The following PDE8B variants were observed in gnomAD, a reference collection of about 807,000 sequenced individuals.
PDE8B encodes high affinity cAMP-specific and IBMX-insensitive 3',5'-cyclic phosphodiesterase 8B.
In PDE8B, 26 loss-of-function variants were observed where a neutral mutation model predicts 101.3. The observed-to-expected ratio is 0.26, with a 90% CI of 0.19 to 0.36. The LOEUF (loss-of-function observed/expected upper bound fraction) is 0.36, where lower values mean the gene tolerates loss of function less well. Ranked by LOEUF, PDE8B falls within the 10% of genes least tolerant of loss-of-function variation. The probability of loss-of-function intolerance (pLI) is 1.00; values close to 1 mark genes in which losing one functional copy is unlikely to be tolerated. For synonymous variants in PDE8B, 424 were observed against 429.3 expected, an observed-to-expected ratio of 0.99 and a Z score of 0.15; for missense variants, 810 against 1,163.1, an observed-to-expected ratio of 0.70 and a Z score of 4.42.
At chr5:77,348,585 A>C (rs991196129) in intron 7 of PDE8B, among the ~76,000 whole-genome samples, 3 of 152,196 alleles carry the variant, frequency 2.0e-5, no homozygotes, top group Non-Finnish European at 4.4e-5. Flanking sequence ...GCAAACATTG[A>C]TCAATAGATA....
At chr5:77,285,697 A>C (rs575577030) in intron 1 of PDE8B, among the ~76,000 whole-genome samples, 5 of 151,612 alleles carry the variant, frequency 3.3e-5, no homozygotes, top group African/African-American at 1.2e-4. Context: ...ATCTCCTCTC[A>C]CTTTTCTCCA....
At chr5:77,380,214 A>G (rs981910554) in intron 10 of PDE8B, among the ~76,000 whole-genome samples, 6 of 152,234 alleles carry the variant, frequency 3.9e-5, no homozygotes, top group Non-Finnish European at 7.3e-5. Context: ...GCATTCTTCT[A>G]TATAAAATCA....
At chr5:77,135,451 C>G in the PDE8B span, among the ~76,000 whole-genome samples, 4 of 151,172 alleles carry the variant, frequency 2.6e-5, no homozygotes, top group Non-Finnish European at 5.9e-5. Flanking sequence ...AGTTGAGGGA[C>G]TCAAGACTTT....
intron 1 of PDE8B, among the ~76,000 whole-genome samples, chr5:77,289,051 A>G (rs946228408): frequency 1.3e-5 from 2 of 152,158 alleles, no homozygotes; most frequent in Admixed American, 6.5e-5. Flanking sequence ...CTGAATTTTT[A>G]CATTGCCACT....
chr5:77,223,615 G>A (rs1431174850), intron 1 of PDE8B, among the ~76,000 whole-genome samples: 1 of 151,930 alleles, frequency 6.6e-6, no homozygotes, highest in African/African-American at 2.4e-5. Flanking sequence ...CACAGTAGTG[G>A]TGTTGGTTTT....
intron 1 of PDE8B, among the ~76,000 whole-genome samples, chr5:77,294,012 C>T (rs1767963220): frequency 6.6e-6 from 1 of 151,968 alleles, no homozygotes. Flanking sequence ...TTTATTCTTC[C>T]CACAGCTTAT....
At chr5:77,130,475 T>C in the PDE8B span, among the ~76,000 whole-genome samples, 3 of 152,152 alleles carry the variant, frequency 2.0e-5, no homozygotes, top group African/African-American at 7.2e-5. Context: ...TCTAGAACAC[T>C]TATTTTCTTC....
At chr5:77,352,409 A>G (rs1449930333) in intron 9 of PDE8B, among the ~76,000 whole-genome samples, 4 of 152,282 alleles carry the variant, frequency 2.6e-5, no homozygotes, top group Admixed American at 6.5e-5. Context: ...GGTAATTTCC[A>G]ACAGAATACA....
chr5:77,381,692 TCTC>T (rs1460629220), intron 10 of PDE8B, among the ~76,000 whole-genome samples: 1 of 152,176 alleles, frequency 6.6e-6, no homozygotes, highest in Non-Finnish European at 1.5e-5. Context: ...TTTAGGGTTT[TCTC>T]CTACAAGAGA....
At chr5:77,148,965 A>T in the PDE8B span, among the ~76,000 whole-genome samples, 2 of 152,298 alleles carry the variant, frequency 1.3e-5, no homozygotes, top group African/African-American at 4.8e-5. Context: ...AAAGTTACCA[A>T]GGTATTTTCT....
chr5:77,303,401 G>T (rs899156501), intron 1 of PDE8B, among the ~76,000 whole-genome samples: 55 of 151,950 alleles, frequency 3.6e-4, no homozygotes, highest in African/African-American at 1.3e-3. Context: ...TTAGCAGGGC[G>T]TAGAGAATTT....
chr5:77,160,648 T>C, the PDE8B span, among the ~76,000 whole-genome samples: 1 of 152,192 alleles, frequency 6.6e-6, no homozygotes, highest in African/African-American at 2.4e-5. Context: ...TTTTTCTTTT[T>C]GATTTAGTTT....
At chr5:77,161,086 A>T in the PDE8B span, among the ~76,000 whole-genome samples, 1 of 152,226 alleles carries the variant, frequency 6.6e-6, no homozygotes, top group South Asian at 2.1e-4. Flanking sequence ...TAATTTATAT[A>T]ATTTACATAC....
intron 6 of PDE8B, among the ~76,000 whole-genome samples, chr5:77,342,529 G>GA (rs917869400): frequency 6.6e-6 from 1 of 150,796 alleles, no homozygotes; most frequent in Non-Finnish European, 1.5e-5. Flanking sequence ...TTTTTTTAAA[G>GA]AAAAAACATC....
chr5:77,411,590 C>G (rs951132613), intron 14 of PDE8B, 86 bp from the exon 15 acceptor site: 6 of 1,133,052 alleles, frequency 5.3e-6, no homozygotes, highest in Non-Finnish European at 7.9e-6. Flanking sequence ...ATTCAGGATT[C>G]AAATCTCTTT....
In PDE8B at chr5:77,266,401, G is replaced by A. The variant is rs1199652944; in HGVS notation, c.340-45593G>A. Among the ~76,000 whole-genome samples the A allele has an allele frequency of 5.3e-5, 8 of 152,220 alleles. No individual in the cohort carries two copies. In the South Asian group the frequency reaches 1.0e-3, roughly 20 times the overall value. On this transcript the variant is annotated intron_variant, in intron 1 of 21. Transcript: ENST00000264917. The stretch of plus-strand genomic sequence containing the variant: ...TTGTGCTCTTCATTGGTGATTTCAT[G>A]GCTTAAAATGGCCCCCCAGCCATAG...
rs1055158805 is a variant in PDE8B at position 77,426,032 on chromosome 5, T to A, written c.2548+136T>A. On this transcript the variant is annotated intron_variant, in intron 21 of 21. Transcript: ENST00000264917. ...TGGCTGTCAGCTTTTTGTGGCCAAG[T>A]GGGGTGGGGTGCATTCTTTGCATCC... The A allele has an allele frequency of 1.3e-5, 10 of 798,864 alleles. No individual in the cohort carries two copies. The African/African-American group carries it at 1.5e-4, about 12-fold the overall frequency. The allele number at this position is 798,864 out of a possible 1,614,324, so 49.5% of individuals were successfully genotyped here.
intron 10 of PDE8B, among the ~76,000 whole-genome samples, chr5:77,371,136 T>C (rs1160692385): frequency 6.6e-6 from 1 of 152,234 alleles, no homozygotes; most frequent in Non-Finnish European, 1.5e-5. Flanking sequence ...AGTTTGATAG[T>C]TTAATTTGTT....
chr5:77,259,064 A>ACCCCCCCCCCCCCC (rs1759843918), intron 1 of PDE8B, among the ~76,000 whole-genome samples: 1 of 82,772 alleles, frequency 1.2e-5, no homozygotes, highest in Admixed American at 1.3e-4. Context: ...ACACACACAC[A>ACCCCCCCCCCCCCC]CACACCCCCG....
Sources: allele counts gnomAD v4.1 joint callset (sites outside exome capture counted in the v4.1 genomes callset), GRCh38; gene constraint gnomAD v4.1.1; transcripts MANE v1.5; gene names NCBI Gene and HGNC (gene_info 2026-07-23, HGNC 2026-07-21).